The following PIKFYVE variants were observed in gnomAD, a reference collection of about 807,000 sequenced individuals.
The protein encoded by PIKFYVE is phosphoinositide kinase, FYVE-type zinc finger containing.
A neutral mutation model predicts 257.9 loss-of-function variants in PIKFYVE; 122 were observed. The ratio of observed to expected loss-of-function variants is 0.47; its 90% CI spans 0.41 to 0.55. PIKFYVE has a LOEUF of 0.55. Among genes scored for constraint, PIKFYVE ranks in the 20% least tolerant of loss-of-function variants. The probability of loss-of-function intolerance (pLI) is 0.00; values close to 1 mark genes in which losing one functional copy is unlikely to be tolerated. For missense variants in PIKFYVE, 2,160 were observed against 2,536.6 expected (o/e 0.85, Z 3.19); for synonymous variants, 892 against 868.9 (o/e 1.03, Z -0.47).
rs1694570268 is a variant in PIKFYVE at position 208,308,291 on chromosome 2, T to C, written c.1636+3278T>C. Among the ~76,000 whole-genome samples, 4 of 151,954 alleles carry C rather than the reference T, an allele frequency of 2.6e-5. No individual in the cohort carries two copies. The South Asian group carries it at 8.3e-4, about 32-fold the overall frequency. ...TGGTGTGCGCCTGTGGTCCCAGCTA[T>C]TTGGGAGGCTGAGGTGGGAGGATTG... On this transcript the variant is annotated intron_variant, in intron 12 of 41. Coordinates refer to ENST00000264380, the MANE Select transcript of PIKFYVE (RefSeq NM_015040.4).
intron 5 of PIKFYVE, among the ~76,000 whole-genome samples, chr2:208,284,917 C>T (rs577153794): frequency 1.3e-5 from 2 of 151,162 alleles, no homozygotes; most frequent in South Asian, 4.2e-4. Flanking sequence ...AGTCCTCCCG[C>T]CCTCAAGCAG....
At chr2:208,323,239 T>A (rs933601624) in intron 17 of PIKFYVE, among the ~76,000 whole-genome samples, 12 of 149,558 alleles carry the variant, frequency 8.0e-5, no homozygotes, top group Non-Finnish European at 1.5e-4. Context: ...TAGGTATATC[T>A]CCTAATGCTA....
intron 7 of PIKFYVE, among the ~76,000 whole-genome samples, chr2:208,295,302 T>A (rs571831218): frequency 6.6e-6 from 1 of 152,332 alleles, no homozygotes; most frequent in East Asian, 1.9e-4. Flanking sequence ...TTAAGTGTTT[T>A]TCCTCAGAAC....
intron 34 of PIKFYVE, among the ~76,000 whole-genome samples, 190 bp downstream of exon 34, chr2:208,346,337 T>G (rs1238249204): frequency 6.6e-6 from 1 of 152,230 alleles, no homozygotes; most frequent in Non-Finnish European, 1.5e-5. Flanking sequence ...GATTCTTGTC[T>G]CAAGTGTAAG....
At chr2:208,324,353 G>A in intron 18 of PIKFYVE, 71 bp downstream of exon 18, 13 of 1,490,754 alleles carry the variant, frequency 8.7e-6, no homozygotes, top group Non-Finnish European at 1.2e-5. Context: ...ACGTATGGTA[G>A]GTATACAAGA....
At chr2:208,338,438 C>G in intron 28 of PIKFYVE, 70 bp from the exon 29 acceptor site, 1 of 1,464,644 alleles carries the variant, frequency 6.8e-7, no homozygotes, top group Middle Eastern at 1.9e-4. Flanking sequence ...TTAAGATTCA[C>G]TGGATTAAAA....
At chr2:208,293,401 A>G (rs909330641) in intron 7 of PIKFYVE, among the ~76,000 whole-genome samples, 2 of 152,120 alleles carry the variant, frequency 1.3e-5, no homozygotes, top group Non-Finnish European at 2.9e-5. Context: ...GTATTAATAG[A>G]TGTAAGTTTC....
chr2:208,295,571 A>G (rs1004209497), intron 7 of PIKFYVE, among the ~76,000 whole-genome samples: 2 of 152,168 alleles, frequency 1.3e-5, no homozygotes, highest in South Asian at 2.1e-4. Context: ...ATGCCCTTCA[A>G]TTTAAGTTTA....
Position 208,333,436 on chromosome 2 carries a change from C to T in PIKFYVE, c.4085C>T (p.Ser1362Phe). Residue 1362 changes from serine (S) to phenylalanine (F), a missense_variant, in exon 24 of 42, where the codon TCC becomes TTC. This residue lies in a region of PIKFYVE where 699 missense variants were observed against 855.8 expected (regional missense o/e 0.82). Transcript: ENST00000264380. ...RRANAEPCGH[S>F]IHHDYHQYFS... is the part of the protein sequence containing the mutation. ...GCCAACGCTGAGCCCTGTGGTCACT[C>T]CATCCATCATGATTATCACCAGTAT... 6.2e-7 allele frequency: 1 copy of T among 1,614,010 alleles called. No homozygotes were observed. The highest frequency in any genetic ancestry group is 1.1e-5 in the South Asian group (1 of 91,080).
Position 208,285,866 on chromosome 2 carries a change from C to G in PIKFYVE, c.754C>G (p.Arg252Gly). 1 of 1,614,026 alleles carries G rather than the reference C, an allele frequency of 6.2e-7. No individual in the cohort carries two copies. The highest frequency in any genetic ancestry group is 8.5e-7 in the Non-Finnish European group (1 of 1,180,024). ...SVSVLDPSEP[R>G]TPVGSRKASR... ...GTCTGTGCTTGATCCAAGTGAACCC[C>G]GAACACCTGTTGGGAGTAGGAAAGC... is the stretch of plus-strand genomic sequence containing the variant. The change falls in exon 6 of 42, where the codon CGA becomes GGA. Residue 252 changes from arginine (R) to glycine (G), a missense_variant. Arg to Gly is a moderately radical substitution (Grantham distance 125). Around this residue, in one of 12 missense-constraint regions of PIKFYVE, gnomAD observed 187 missense variants for 185.6 expected, o/e 1.01. Transcript: ENST00000264380.
chr2:208,348,599 A>AAGTGTGTGTGT (rs559057437), intron 35 of PIKFYVE, among the ~76,000 whole-genome samples: 1 of 128,986 alleles, frequency 7.8e-6, no homozygotes, highest in African/African-American at 3.0e-5. Flanking sequence ...AAAAAAAAAA[A>AAGTGTGTGTGT]GTGTGTGTGT....
Position 208,350,033 on chromosome 2 carries a change from A to T in PIKFYVE, c.5384A>T (p.Asp1795Val). 6.2e-7 allele frequency: 1 copy of T among 1,612,080 alleles called. No homozygotes were observed. Among genetic ancestry groups the T allele is most frequent in the Non-Finnish European group, 8.5e-7 (1 of 1,178,674 alleles). The change falls in exon 36 of 42, where the codon GAT (aspartate) becomes GTT (valine). Residue 1795 changes from aspartate to valine, a missense_variant. Asp to Val is a radical substitution (Grantham distance 152). Coordinates refer to ENST00000264380, the MANE Select transcript of PIKFYVE (RefSeq NM_015040.4). Reference sequence around the variant, plus strand: ...ATATTAAACCTTTTAGATGAAGTAGATGGAGGAGATACACAAAAGAAGCAA... The same window carrying T: ...ATATTAAACCTTTTAGATGAAGTAGTTGGAGGAGATACACAAAAGAAGCAA... ...NQGVEPQDEV[D>V]GGDTQKKQLI...
chr2:208,351,615 T>C (rs1433085500), intron 38 of PIKFYVE, among the ~76,000 whole-genome samples, 160 bp downstream of exon 38: 1 of 152,136 alleles, frequency 6.6e-6, no homozygotes, highest in Non-Finnish European at 1.5e-5. Context: ...CTGCAGGCTG[T>C]GTATACAAAG....
rs1325597706 is a variant in PIKFYVE, at chr2:208,305,413, T to A, written c.1636+400T>A. On this transcript the variant is annotated intron_variant, in intron 12 of 41. Transcript: ENST00000264380. ...TTGCCGTTACCCAGTAACATAATAT[T>A]TCACTAAACCCATTAAGATGCTTGA... 3 of 1,072,848 alleles carry A rather than the reference T, an allele frequency of 2.8e-6. No homozygotes were observed. In the African/African-American group the frequency reaches 4.9e-5, roughly 18 times the overall value. The allele number at this position is 1,072,848 out of a possible 1,614,324, so 66.5% of individuals were successfully genotyped here.
intron 17 of PIKFYVE, among the ~76,000 whole-genome samples, chr2:208,323,105 TTTA>T (rs923550776): frequency 2.0e-5 from 3 of 150,454 alleles, no homozygotes; most frequent in Non-Finnish European, 3.0e-5. Flanking sequence ...TATTTTTTAT[TTTA>T]TTATTATTAG....
chr2:208,282,259 A>C (rs1457455076), intron 5 of PIKFYVE, among the ~76,000 whole-genome samples: 1 of 152,260 alleles, frequency 6.6e-6, no homozygotes, highest in Non-Finnish European at 1.5e-5. Flanking sequence ...TAGTGCCTTT[A>C]AATCTAATCA....
chr2:208,266,795 G>T (rs1394879722), intron 1 of PIKFYVE, among the ~76,000 whole-genome samples: 1 of 152,218 alleles, frequency 6.6e-6, no homozygotes, highest in Non-Finnish European at 1.5e-5. Context: ...GCATCCGTAG[G>T]CTGGAAAAGA....
rs1449867263 is a variant in PIKFYVE, at chr2:208,284,048, T to G, written c.614-1678T>G. Among the ~76,000 whole-genome samples the G allele has an allele frequency of 3.9e-5, 6 of 152,372 alleles. No homozygotes were observed. The East Asian group carries it at 1.2e-3, about 29-fold the overall frequency. On this transcript the variant is annotated intron_variant, in intron 5 of 41. Coordinates refer to ENST00000264380, the MANE Select transcript of PIKFYVE (RefSeq NM_015040.4). ...TTTTCTAATATTAGTGGGAAAATTTTAGGTGGAATTATTAAACAACATGTT... is the reference window on the plus strand; with the variant it reads ...TTTTCTAATATTAGTGGGAAAATTTGAGGTGGAATTATTAAACAACATGTT...
intron 15 of PIKFYVE, among the ~76,000 whole-genome samples, chr2:208,315,829 C>T (rs144682404): frequency 3.0e-3 from 279 of 92,814 alleles, no homozygotes; most frequent in African/African-American, 9.1e-3. Context: ...AACATTATGA[C>T]ATTTTTTGCG....
Sources: allele counts gnomAD v4.1 joint callset (sites outside exome capture counted in the v4.1 genomes callset), GRCh38; gene constraint gnomAD v4.1.1; regional missense constraint gnomAD v4.1.1; transcripts MANE v1.5; gene names NCBI Gene and HGNC (gene_info 2026-07-23, HGNC 2026-07-21).